The following HIVEP3 variants were observed in gnomAD, a reference collection of about 807,000 sequenced individuals.
HIVEP3 encodes transcription factor HIVEP3.
Under a neutral mutation model 152.8 loss-of-function variants are expected in HIVEP3, and 49 were observed. That is an observed-to-expected ratio of 0.32 (90% CI 0.26 to 0.41). The LOEUF (loss-of-function observed/expected upper bound fraction) is 0.41. HIVEP3 is among the 10% of genes least tolerant of loss of function. The probability of loss-of-function intolerance (pLI) is 1.00; values close to 1 mark genes in which losing one functional copy is unlikely to be tolerated. For missense variants in HIVEP3, 2,790 were observed against 3,103.3 expected (o/e 0.90, Z 2.40); for synonymous variants, 1,269 against 1,289.0 (o/e 0.98, Z 0.33).
At chr1:42,017,985 T>C (rs1181773110) in intron 1 of HIVEP3, among the ~76,000 whole-genome samples, 1 of 152,156 alleles carries the variant, frequency 6.6e-6, no homozygotes, top group Non-Finnish European at 1.5e-5. Context: ...TATGTAGACA[T>C]ACCTTTTTGT....
chr1:41,573,491 A>T (rs1644281714), intron 5 of HIVEP3, among the ~76,000 whole-genome samples: 1 of 152,142 alleles, frequency 6.6e-6, no homozygotes, highest in Non-Finnish European at 1.5e-5. Context: ...TGACACTATA[A>T]TCAGTTCCAT....
At chr1:42,027,215 C>T (rs1408527600) in intron 1 of HIVEP3, among the ~76,000 whole-genome samples, 1 of 152,308 alleles carries the variant, frequency 6.6e-6, no homozygotes, top group East Asian at 1.9e-4. Context: ...ACATCTAATA[C>T]ATTGGCAAAT....
Position 41,584,422 on chromosome 1 carries a change from T to C in HIVEP3, c.376A>G (p.Arg126Gly), listed in dbSNP as rs1236238169. ...ACGAAGGAGCCAGAGGGTCCAGGTC[T>C]CATGGGGTCAACCAGTTGCCATGTG... is the stretch of plus-strand genomic sequence containing the variant. The part of the protein sequence containing the change: ...GSTWQLVDPM[R>G]PGPSGSFVAP... Residue 126 changes from arginine to glycine, a missense_variant, in exon 4 of 9, where the codon AGA (arginine) becomes GGA (glycine). By Grantham distance (125) the Arg-to-Gly change is moderately radical. Coordinates refer to ENST00000372583, the MANE Select transcript of HIVEP3 (RefSeq NM_024503.5). This position sits in a 1 kb window ranked among gnomAD's most constrained non-coding sequence, Gnocchi z 5.2. 1 of 1,614,022 alleles carries C rather than the reference T, an allele frequency of 6.2e-7. No homozygotes were observed. The highest frequency in any genetic ancestry group is 8.5e-7 in the Non-Finnish European group (1 of 1,180,032).
intron 1 of HIVEP3, among the ~76,000 whole-genome samples, chr1:41,737,906 T>C (rs1646941939): frequency 6.6e-6 from 1 of 152,222 alleles, no homozygotes; most frequent in Admixed American, 6.5e-5. Context: ...CTTAACCTGT[T>C]CTGGCACATC....
At chr1:41,736,329 A>G (rs1310026722) in intron 1 of HIVEP3, among the ~76,000 whole-genome samples, 1 of 152,144 alleles carries the variant, frequency 6.6e-6, no homozygotes, top group Non-Finnish European at 1.5e-5. Context: ...CTCTGTCCAT[A>G]AGAAAACAGA....
At chr1:42,000,714 A>G (rs58502724) in intron 1 of HIVEP3, among the ~76,000 whole-genome samples, 4,311 of 152,260 alleles carry the variant, frequency 0.028, 175 homozygotes, top group African/African-American at 0.095. Context: ...GACACTTTCA[A>G]ATCAGCACCC....
rs182841259 is a variant in HIVEP3, at chr1:41,762,455, G to A, written c.-800-61460C>T. On this transcript the variant is annotated intron_variant, in intron 1 of 8. Coordinates refer to ENST00000372583, the MANE Select transcript of HIVEP3 (RefSeq NM_024503.5). ...TCAGGGTCAGGCCAGCCCTGGATCC[G>A]CAGGCTGGAGCAGGGCAGTGGACTA... Among the ~76,000 whole-genome samples the A allele has an allele frequency of 4.6e-5, 7 of 152,304 alleles. No homozygotes were observed. The East Asian group carries it at 5.8e-4, about 13-fold the overall frequency.
intron 1 of HIVEP3, among the ~76,000 whole-genome samples, chr1:41,858,546 C>T (rs1206627971): frequency 1.3e-5 from 2 of 152,202 alleles, no homozygotes; most frequent in Non-Finnish European, 2.9e-5. Context: ...GATATGTGCT[C>T]ATCATCCCTC....
At chr1:41,601,647 G>T (rs978986864) in intron 3 of HIVEP3, among the ~76,000 whole-genome samples, 2 of 152,020 alleles carry the variant, frequency 1.3e-5, no homozygotes, top group Non-Finnish European at 2.9e-5. Flanking sequence ...CTTTTTAATG[G>T]CATCTTTAGG....
At chr1:41,672,882 T>C (rs1645899228) in intron 2 of HIVEP3, among the ~76,000 whole-genome samples, 1 of 152,228 alleles carries the variant, frequency 6.6e-6, no homozygotes. Flanking sequence ...GCAAATAGAT[T>C]CTACAAAACA....
At chr1:41,945,922 A>G (rs1257923780) in intron 1 of HIVEP3, among the ~76,000 whole-genome samples, 1 of 152,120 alleles carries the variant, frequency 6.6e-6, no homozygotes, top group Non-Finnish European at 1.5e-5. Flanking sequence ...AAAAACTTCA[A>G]AAGTCTGCCT....
chr1:41,685,830 G>C (rs1289657961), intron 2 of HIVEP3, among the ~76,000 whole-genome samples: 2 of 152,120 alleles, frequency 1.3e-5, no homozygotes, highest in Non-Finnish European at 2.9e-5. Context: ...GGAACCTTTG[G>C]GGTATGTGTA....
chr1:42,035,429 A>G (rs1204522220), intron 1 of HIVEP3, among the ~76,000 whole-genome samples: 1 of 152,194 alleles, frequency 6.6e-6, no homozygotes, highest in African/African-American at 2.4e-5. Context: ...CCTGACCACA[A>G]AGTGAAACTT....
chr1:41,914,813 T>A (rs1434015874), intron 1 of HIVEP3, among the ~76,000 whole-genome samples: 1 of 152,248 alleles, frequency 6.6e-6, no homozygotes, highest in East Asian at 1.9e-4. Flanking sequence ...TCCTGCTCCA[T>A]CTTTTCCATC....
chr1:41,818,206 A>G (rs1380480602), intron 1 of HIVEP3, among the ~76,000 whole-genome samples: 1 of 152,256 alleles, frequency 6.6e-6, no homozygotes, highest in Non-Finnish European at 1.5e-5. Context: ...AGTGGGTAAC[A>G]GCGTATGAAG....
chr1:41,640,882 G>A (rs762423985), intron 2 of HIVEP3, among the ~76,000 whole-genome samples: 21 of 152,204 alleles, frequency 1.4e-4, no homozygotes, highest in Non-Finnish European at 2.5e-4. Context: ...AGGGCCCAAG[G>A]CTCTGGCATT....
intron 1 of HIVEP3, among the ~76,000 whole-genome samples, chr1:41,998,887 CTCTTTTT>C (rs1340421546): frequency 1.2e-4 from 9 of 77,316 alleles, no homozygotes; most frequent in African/African-American, 3.6e-4. Flanking sequence ...TTTTCTCTCT[CTCTTTTT>C]TTTTTTTTTT....
chr1:41,823,386 G>T (rs1642664691), intron 1 of HIVEP3, among the ~76,000 whole-genome samples: 1 of 152,226 alleles, frequency 6.6e-6, no homozygotes, highest in Admixed American at 6.5e-5. Flanking sequence ...CCAGCTCACA[G>T]ATGAAAGAAA....
At chr1:41,739,013 C>CA (rs1159776853) in intron 1 of HIVEP3, among the ~76,000 whole-genome samples, 1 of 152,256 alleles carries the variant, frequency 6.6e-6, no homozygotes, top group Non-Finnish European at 1.5e-5. Context: ...TGCTTGGAAT[C>CA]ATCTCACAGT....
Sources: gnomAD v4.1 joint callset for allele counts (sites outside exome capture counted in the v4.1 genomes callset) on GRCh38, gnomAD v4.1.1 for gene constraint, Gnocchi (gnomAD v3.1) non-coding constraint, MANE v1.5 for transcripts, NCBI Gene and HGNC (gene_info 2026-07-23, HGNC 2026-07-21) for gene names.